Variants in PDE6D observed in about 807,000 individuals in gnomAD.
PDE6D encodes the protein phosphodiesterase 6D.
In PDE6D, 10 loss-of-function variants were observed where a neutral mutation model predicts 21.9. That is an observed-to-expected ratio of 0.46 (90% CI 0.28 to 0.78). PDE6D has a LOEUF of 0.78. PDE6D is among the 30% of genes least tolerant of loss of function. The pLI is 0.12. For missense variants in PDE6D, 139 were observed against 184.8 expected, an observed-to-expected ratio of 0.75 and a Z score of 1.44; for synonymous variants, 59 against 63.5, an observed-to-expected ratio of 0.93 and a Z score of 0.34.
intron 1 of PDE6D, among the ~76,000 whole-genome samples, chr2:231,772,172 C>G (rs1348328597): frequency 6.6e-6 from 1 of 151,294 alleles, no homozygotes; most frequent in Admixed American, 6.6e-5. Flanking sequence ...ATACTCATAT[C>G]TCTTGTCCAA....
chr2:231,735,850 C>T (rs528105138), intron 4 of PDE6D, among the ~76,000 whole-genome samples: 2 of 151,732 alleles, frequency 1.3e-5, no homozygotes, highest in East Asian at 3.9e-4. Context: ...ATGGTGAAAC[C>T]CTGTCTCTAC....
At chr2:231,748,763 A>T (rs1460407683) in intron 1 of PDE6D, among the ~76,000 whole-genome samples, 1 of 152,166 alleles carries the variant, frequency 6.6e-6, no homozygotes, top group Non-Finnish European at 1.5e-5. Context: ...GCCATGTCCC[A>T]GCTGCTCCAG....
chr2:231,756,271 C>T (rs1187559767), intron 1 of PDE6D, among the ~76,000 whole-genome samples: 1 of 152,110 alleles, frequency 6.6e-6, no homozygotes, highest in Non-Finnish European at 1.5e-5. Flanking sequence ...AAGACATATT[C>T]GACTTTGATT....
chr2:231,741,072 C>A (rs72996820), intron 1 of PDE6D, among the ~76,000 whole-genome samples: 25,305 of 135,650 alleles, frequency 0.19, 2,616 homozygotes, highest in Non-Finnish European at 0.24. Context: ...CGGGAGATTG[C>A]GCCATTGCAC....
chr2:231,764,176 T>C (rs1317608504), intron 1 of PDE6D, among the ~76,000 whole-genome samples: 1 of 151,942 alleles, frequency 6.6e-6, no homozygotes, highest in Non-Finnish European at 1.5e-5. Context: ...CCCAGCACTT[T>C]GGGAGGCCAA....
chr2:231,747,090 G>C (rs1005605765), intron 1 of PDE6D, among the ~76,000 whole-genome samples: 3 of 152,114 alleles, frequency 2.0e-5, no homozygotes, highest in Admixed American at 6.5e-5. Context: ...TCCAAACGAT[G>C]ATACTTTTTT....
chr2:231,756,360 A>G (rs1306751979), intron 1 of PDE6D, among the ~76,000 whole-genome samples: 1 of 152,228 alleles, frequency 6.6e-6, no homozygotes, highest in Non-Finnish European at 1.5e-5. Flanking sequence ...CCACATCATA[A>G]TGTACATATT....
chr2:231,767,003 A>AG (rs2048976342), intron 1 of PDE6D, among the ~76,000 whole-genome samples: 1 of 150,948 alleles, frequency 6.6e-6, no homozygotes, highest in Admixed American at 6.6e-5. Flanking sequence ...CAAAAAAAAA[A>AG]AAAAAAAAAA....
At chr2:231,736,585 C>G (rs2048704393) in intron 4 of PDE6D, among the ~76,000 whole-genome samples, 2 of 152,158 alleles carry the variant, frequency 1.3e-5, no homozygotes, top group South Asian at 4.1e-4. Context: ...AAAGCACAAA[C>G]AAATTGTTCT....
At chr2:231,751,851 T>C (rs1280661871) in intron 1 of PDE6D, among the ~76,000 whole-genome samples, 1 of 152,188 alleles carries the variant, frequency 6.6e-6, no homozygotes, top group African/African-American at 2.4e-5. Flanking sequence ...TTTCTTCCAT[T>C]GTGAAGTTAC....
intron 1 of PDE6D, among the ~76,000 whole-genome samples, chr2:231,744,526 C>T (rs187897089): frequency 6.6e-5 from 10 of 151,924 alleles, no homozygotes; most frequent in East Asian, 1.9e-4. Flanking sequence ...CTCCGCCTCC[C>T]GGGTTCAAGT....
chr2:231,734,622 A>G (rs1294543040), intron 4 of PDE6D, among the ~76,000 whole-genome samples: 1 of 151,290 alleles, frequency 6.6e-6, no homozygotes, highest in African/African-American at 2.4e-5. Flanking sequence ...CGGGCAGATC[A>G]TGAGGTCAGG....
chr2:231,741,085 C>T (rs1302519706), intron 1 of PDE6D, among the ~76,000 whole-genome samples: 4 of 135,822 alleles, frequency 2.9e-5, no homozygotes, highest in Non-Finnish European at 6.2e-5. Context: ...CATTGCACTC[C>T]AGCCTCAACA....
intron 1 of PDE6D, among the ~76,000 whole-genome samples, chr2:231,743,446 A>G (rs1253834676): frequency 2.0e-5 from 3 of 151,874 alleles, no homozygotes; most frequent in African/African-American, 4.8e-5. Context: ...AAAAAAAAAA[A>G]AAAGAAAAGT....
At chr2:231,733,763 G>C (rs148244627) in intron 4 of PDE6D, among the ~76,000 whole-genome samples, 2 of 151,884 alleles carry the variant, frequency 1.3e-5, no homozygotes, top group African/African-American at 4.8e-5. Context: ...TACAACTACA[G>C]AACACTAAAT....
chr2:231,781,217 C>A lies in PDE6D; in HGVS notation c.-103G>T. ...GAGCCGCAGCCCGGCTTGGAGACCT[C>A]GGGCTAGCAGCCGCAGCGGCCAGAC... On this transcript the variant is annotated 5_prime_UTR_variant, in exon 1 of 5. Transcript: ENST00000287600. 7.0e-6 allele frequency: 8 copies of A among 1,140,744 alleles called. No individual in the cohort carries two copies. Among genetic ancestry groups the A allele is most frequent in the South Asian group, 1.3e-5 (1 of 76,672 alleles). 70.7% of individuals were successfully genotyped at this position (1,140,744 alleles called of 1,614,324 possible). A position where few individuals can be genotyped will look rare whatever the true frequency, so the allele number is the denominator to read the frequency against.
chr2:231,739,628 GC>G lies in PDE6D; in HGVS notation c.51-441del, dbSNP rs1443815745. Reference sequence around the variant, plus strand: ...AGAACTCTCAAATTGCTTTGTAGTGGCCCCCTCTGTTTTTTTTTTTTGAAAC... The same window carrying G: ...AGAACTCTCAAATTGCTTTGTAGTGGCCCCTCTGTTTTTTTTTTTTGAAAC... On this transcript the variant is annotated intron_variant, in intron 1 of 4. Transcript: ENST00000287600. This position sits in a 1 kb window ranked among gnomAD's most constrained non-coding sequence, Gnocchi z 4.2. Among the ~76,000 whole-genome samples the G allele has an allele frequency of 1.4e-4, 20 of 140,600 alleles. No homozygotes were observed. The highest frequency in any genetic ancestry group is 6.1e-5 in the Non-Finnish European group (4 of 65,134). 92.2% of individuals were successfully genotyped at this position (140,600 alleles called of 152,430 possible).
chr2:231,733,693 G>A (rs573334376), intron 4 of PDE6D, among the ~76,000 whole-genome samples: 10 of 152,006 alleles, frequency 6.6e-5, no homozygotes, highest in Non-Finnish European at 1.3e-4. Flanking sequence ...CTTCCAAGCC[G>A]CCCAGCTCTC....
intron 1 of PDE6D, among the ~76,000 whole-genome samples, chr2:231,769,680 C>T (rs1213787511): frequency 6.6e-6 from 1 of 152,164 alleles, no homozygotes; most frequent in Non-Finnish European, 1.5e-5. Context: ...GAGGCACAAT[C>T]ATAGCTCACT....
Sources: gnomAD v4.1 joint callset for allele counts (sites outside exome capture counted in the v4.1 genomes callset) on GRCh38, gnomAD v4.1.1 for gene constraint, Gnocchi (gnomAD v3.1) non-coding constraint, MANE v1.5 for transcripts, NCBI Gene and HGNC (gene_info 2026-07-23, HGNC 2026-07-21) for gene names.